PMFBP1: variants seen among roughly 807,000 people sequenced by gnomAD.
PMFBP1 encodes the protein polyamine modulated factor 1 binding protein 1, also known as polyamine-modulated factor 1-binding protein 1.
Under a neutral mutation model 137.8 loss-of-function variants are expected in PMFBP1, and 131 were observed. The ratio of observed to expected loss-of-function variants is 0.95; its 90% confidence interval spans 0.82 to 1.10. The LOEUF (loss-of-function observed/expected upper bound fraction) is 1.10. Ranked by LOEUF, PMFBP1 falls within the 50% of genes least tolerant of loss-of-function variation. The probability of loss-of-function intolerance (pLI) is 0.00; values close to 1 mark genes in which losing one functional copy is unlikely to be tolerated. For synonymous variants in PMFBP1, 490 were observed against 450.4 expected (o/e 1.09, Z -1.11); for missense variants, 1,199 against 1,175.4 (o/e 1.02, Z -0.29).
the PMFBP1 span, among the ~76,000 whole-genome samples, chr16:72,205,013 C>T: frequency 1.3e-5 from 2 of 152,230 alleles, no homozygotes; most frequent in Admixed American, 1.3e-4. Context: ...GGTGGGCACA[C>T]AGGCCCTATG....
chr16:72,151,173 T>G (rs984676355), intron 4 of PMFBP1, among the ~76,000 whole-genome samples: 1 of 152,196 alleles, frequency 6.6e-6, no homozygotes, highest in Admixed American at 6.5e-5. Context: ...AATGCTGGTA[T>G]TTTTTCCTTC....
At chr16:72,150,571 C>A (rs766938560) in intron 5 of PMFBP1, 37 bp downstream of exon 5, 1 of 1,597,406 alleles carries the variant, frequency 6.3e-7, no homozygotes, top group Non-Finnish European at 8.6e-7. Flanking sequence ...GGAGCACATC[C>A]ACTTGCCTGG....
intron 19 of PMFBP1, among the ~76,000 whole-genome samples, chr16:72,120,710 A>G (rs1032608580): frequency 2.6e-5 from 4 of 152,244 alleles, no homozygotes; most frequent in African/African-American, 9.6e-5. Context: ...AACTTTTATT[A>G]TCACTGTTGT....
At chr16:72,213,665 C>T in the PMFBP1 span, among the ~76,000 whole-genome samples, 1 of 152,180 alleles carries the variant, frequency 6.6e-6, no homozygotes, top group South Asian at 2.1e-4. Context: ...TATTTTCCCA[C>T]AGAAATTGTA....
intron 13 of PMFBP1, 130 bp from the exon 14 acceptor site, chr16:72,128,924 C>G (rs2042504288): frequency 6.6e-7 from 1 of 1,507,134 alleles, no homozygotes; most frequent in Non-Finnish European, 9.0e-7. Flanking sequence ...TTCTCGCTCC[C>G]CTCCTCGCTG....
rs1261479291 is a variant in PMFBP1 at position 72,154,229 on chromosome 16, G to T, written c.396C>A (p.Cys132Ter). ...TCTATACCTCATCTTCTTTCAGTTT[G>T]CAGTGATGGTGCAGAAGAACCAGGT... ...TSDLVLLHHH[C>*]KLKEDEVILY... Residue 132 changes from cysteine (C) to a stop codon, truncating the protein, a stop_gained, in exon 4 of 21, where the codon TGC becomes TGA. Transcript: ENST00000237353. LOFTEE classifies it high-confidence loss of function. 1 of 1,613,910 alleles carries T rather than the reference G, an allele frequency of 6.2e-7. No individual in the cohort carries two copies. Among genetic ancestry groups the T allele is most frequent in the Non-Finnish European group, 8.5e-7 (1 of 1,179,990 alleles).
Position 72,119,906 on chromosome 16 carries a change from C to G in PMFBP1, c.2952G>C (p.Gln984His). The G allele has an allele frequency of 6.2e-7, 1 of 1,614,222 alleles. No individual in the cohort carries two copies. Among genetic ancestry groups the G allele is most frequent in the Non-Finnish European group, 8.5e-7 (1 of 1,180,044 alleles). ...CGTLGWKGLP[Q>H]DMGQRMDLTK... is the part of the protein sequence containing the mutation. Reference sequence around the variant, plus strand: ...TGAGGTCCATTCTTTGACCCATATCCTGGGGCAACCCCTTCCAGCCCAAGG... The same window carrying G: ...TGAGGTCCATTCTTTGACCCATATCGTGGGGCAACCCCTTCCAGCCCAAGG... The change falls in exon 20 of 21, where the codon CAG (glutamine) becomes CAC (histidine). Residue 984 changes from glutamine to histidine, a missense_variant. Physicochemically the swap from Gln to His is conservative, Grantham distance 24 (BLOSUM62 0). Transcript: ENST00000237353.
At chr16:72,128,423 T>C in intron 14 of PMFBP1, 2 of 1,471,770 alleles carry the variant, frequency 1.4e-6, no homozygotes, top group South Asian at 1.3e-5. Context: ...AAAGCCCAAA[T>C]AGCTTGGGGC....
chr16:72,249,082 T>C, the PMFBP1 span, among the ~76,000 whole-genome samples: 1 of 151,106 alleles, frequency 6.6e-6, no homozygotes, highest in Non-Finnish European at 1.5e-5. Flanking sequence ...TAAATTTGTG[T>C]AAGAAAAAAA....
At chr16:72,228,202 T>A in the PMFBP1 span, among the ~76,000 whole-genome samples, 2 of 152,240 alleles carry the variant, frequency 1.3e-5, no homozygotes, top group Admixed American at 1.3e-4. Context: ...GTCGTTGACA[T>A]AGGCCCCTAA....
Position 72,126,113 on chromosome 16 carries a change from G to C in PMFBP1, c.2108C>G (p.Ser703Cys). 6.2e-7 allele frequency: 1 copy of C among 1,614,126 alleles called. No homozygotes were observed. Among genetic ancestry groups the C allele is most frequent in the Non-Finnish European group, 8.5e-7 (1 of 1,179,994 alleles). ...LNKEIALQKE[S>C]LMSLQAQLDK... is the part of the protein sequence containing the mutation. ...CAGCTGGGCCTGCAGGCTCATTAAG[G>C]ACTCCTTCTGAAGGGCTATCTTTAA... is the stretch of plus-strand genomic sequence containing the variant. The change falls in exon 15 of 21, where the codon TCC (serine) becomes TGC (cysteine). Residue 703 changes from serine to cysteine, a missense_variant. Physicochemically the swap from Ser to Cys is moderately radical, Grantham distance 112 (BLOSUM62 -1). Transcript: ENST00000237353.
chr16:72,121,832 C>A (rs927587994), intron 19 of PMFBP1, among the ~76,000 whole-genome samples: 1 of 152,152 alleles, frequency 6.6e-6, no homozygotes, highest in African/African-American at 2.4e-5. Context: ...GCCTTGCTGT[C>A]GTCCAGGCTA....
chr16:72,208,663 T>C, the PMFBP1 span, among the ~76,000 whole-genome samples: 1 of 152,342 alleles, frequency 6.6e-6, no homozygotes, highest in African/African-American at 2.4e-5. Flanking sequence ...TACAAGGATA[T>C]TATCAAAGTT....
the PMFBP1 span, among the ~76,000 whole-genome samples, chr16:72,198,952 C>T: frequency 5.9e-5 from 9 of 152,134 alleles, no homozygotes. Context: ...CTCAAGTTAG[C>T]AGCGTCATCG....
Position 72,136,723 on chromosome 16 carries a change from C to T in PMFBP1, c.1015G>A (p.Val339Met), listed in dbSNP as rs775958848. Residue 339 changes from valine to methionine, a missense_variant, in exon 8 of 21, where the codon GTG (valine) becomes ATG (methionine). By Grantham distance (21) the Val-to-Met change is conservative (BLOSUM62 1). Coordinates refer to ENST00000237353, the MANE Select transcript of PMFBP1 (RefSeq NM_031293.3). ...VKDLRVELEA[V>M]SEQKRNIMKD... ...ATGATGTTTCTCTTCTGTTCCGACA[C>T]GGCCTCTAGTTCCACGCGCAGATCC... The T allele has an allele frequency of 1.4e-5, 23 of 1,614,160 alleles. No individual in the cohort carries two copies. Among genetic ancestry groups the T allele is most frequent in the East Asian group, 4.5e-5 (2 of 44,874 alleles).
intron 3 of PMFBP1, among the ~76,000 whole-genome samples, chr16:72,161,499 G>A (rs1351802158): frequency 6.6e-6 from 1 of 152,048 alleles, no homozygotes; most frequent in African/African-American, 2.4e-5. Flanking sequence ...ATTAATTTTA[G>A]ATGCATCTTT....
intron 3 of PMFBP1, among the ~76,000 whole-genome samples, chr16:72,162,789 C>G (rs534929981): frequency 1.2e-4 from 18 of 152,338 alleles, no homozygotes; most frequent in African/African-American, 4.1e-4. Context: ...CATTTATAAG[C>G]CACATGGCTT....
chr16:72,198,721 A>T, the PMFBP1 span, among the ~76,000 whole-genome samples: 23 of 152,274 alleles, frequency 1.5e-4, 1 homozygote, highest in East Asian at 4.4e-3. Context: ...CACAAGTAAC[A>T]GCCCCATCAT....
the PMFBP1 span, among the ~76,000 whole-genome samples, chr16:72,238,881 T>A: frequency 6.6e-6 from 1 of 152,082 alleles, no homozygotes; most frequent in Non-Finnish European, 1.5e-5. Flanking sequence ...GTTACTGACA[T>A]CTAGTGGGTA....
Sources: allele counts gnomAD v4.1 joint callset (sites outside exome capture counted in the v4.1 genomes callset), GRCh38; gene constraint gnomAD v4.1.1; transcripts MANE v1.5; gene names NCBI Gene and HGNC (gene_info 2026-07-23, HGNC 2026-07-21).